The following PALM2AKAP2 variants were observed in gnomAD, a reference collection of about 807,000 sequenced individuals.
PALM2AKAP2 encodes PALM2 and AKAP2 fusion.
Under a neutral mutation model 71.5 loss-of-function variants are expected in PALM2AKAP2, and 37 were observed. The observed-to-expected ratio is 0.52, with a 90% confidence interval of 0.40 to 0.68. PALM2AKAP2 has a LOEUF of 0.68. Among genes scored for constraint, PALM2AKAP2 ranks in the 30% least tolerant of loss-of-function variants. PALM2AKAP2 has a pLI of 0.00. For missense variants in PALM2AKAP2, 1,224 were observed against 1,191.8 expected (o/e 1.03, Z -0.40); for synonymous variants, 468 against 478.8 (o/e 0.98, Z 0.29).
chr9:109,942,603 T>C, intron 6 of PALM2AKAP2: 6 of 1,466,972 alleles, frequency 4.1e-6, no homozygotes, highest in Non-Finnish European at 5.5e-6. Flanking sequence ...CACAAAACCT[T>C]TTTTTTTGTC....
intron 2 of PALM2AKAP2, among the ~76,000 whole-genome samples, chr9:110,147,381 TC>T (rs1219684372): frequency 5.3e-5 from 8 of 152,178 alleles, no homozygotes; most frequent in Non-Finnish European, 1.5e-5. Context: ...CCAACTTACT[TC>T]ACCTCTGTAA....
chr9:110,156,437 C>T (rs773321699), exon 3 of PALM2AKAP2: 3 of 1,612,678 alleles, frequency 1.9e-6, no homozygotes, highest in African/African-American at 2.7e-5. Context: ...TGATGCAGAC[C>T]CTCATGGAAG....
At chr9:109,640,965 A>C in intron 1 of PALM2AKAP2, 1 of 1,405,586 alleles carries the variant, frequency 7.1e-7, no homozygotes, top group East Asian at 2.9e-5. Context: ...CGCGTCCAGG[A>C]TGGGTGTTTA....
At chr9:110,065,262 C>T (rs553873859) in intron 1 of PALM2AKAP2, among the ~76,000 whole-genome samples, 2 of 152,274 alleles carry the variant, frequency 1.3e-5, no homozygotes, top group Admixed American at 6.5e-5. Flanking sequence ...CAAGGTCTCA[C>T]TCTGTCACCA....
chr9:109,739,670 G>C (rs1051601762), intron 1 of PALM2AKAP2, among the ~76,000 whole-genome samples: 1 of 152,206 alleles, frequency 6.6e-6, no homozygotes, highest in Non-Finnish European at 1.5e-5. Context: ...TACACCCCAA[G>C]CTCAGGAATT....
chr9:109,892,039 C>G (rs1322251905), intron 3 of PALM2AKAP2, among the ~76,000 whole-genome samples: 1 of 152,200 alleles, frequency 6.6e-6, no homozygotes, highest in Non-Finnish European at 1.5e-5. Flanking sequence ...CAGATGTAAA[C>G]TCCACCAGAG....
chr9:109,897,513 A>T (rs1830229683), intron 3 of PALM2AKAP2, among the ~76,000 whole-genome samples: 2 of 152,148 alleles, frequency 1.3e-5, no homozygotes, highest in Admixed American at 1.3e-4. Context: ...CCGGAGGCAG[A>T]GGTTGCAGTG....
intron 6 of PALM2AKAP2, among the ~76,000 whole-genome samples, chr9:109,981,925 G>A (rs958566782): frequency 3.3e-5 from 5 of 152,092 alleles, no homozygotes; most frequent in African/African-American, 9.7e-5. Context: ...GCTACCATAC[G>A]ATCCAGCAAT....
intron 1 of PALM2AKAP2, among the ~76,000 whole-genome samples, chr9:110,060,736 A>G (rs506152): frequency 0.99 from 150,355 of 152,248 alleles, 74,253 homozygotes; most frequent in East Asian, 1. Flanking sequence ...CGAGTAGCTG[A>G]GACTACAGGT....
intron 1 of PALM2AKAP2, among the ~76,000 whole-genome samples, chr9:109,769,722 C>G (rs551317250): frequency 3.0e-4 from 45 of 152,042 alleles, no homozygotes; most frequent in Non-Finnish European, 5.0e-4. Context: ...GTGGACAAAC[C>G]GTTTTATTAT....
chr9:109,673,855 C>A (rs1009902175), intron 1 of PALM2AKAP2, among the ~76,000 whole-genome samples: 3 of 151,904 alleles, frequency 2.0e-5, no homozygotes, highest in African/African-American at 7.3e-5. Flanking sequence ...TATGTAATGC[C>A]CTTCTTTGTC....
intron 1 of PALM2AKAP2, among the ~76,000 whole-genome samples, chr9:110,127,236 T>A (rs1564319374): frequency 6.6e-6 from 1 of 152,132 alleles, no homozygotes; most frequent in Non-Finnish European, 1.5e-5. Flanking sequence ...TGGCAGGAGA[T>A]CCATGGAGGC....
At chr9:109,824,970 C>T (rs1356901336) in intron 1 of PALM2AKAP2, among the ~76,000 whole-genome samples, 4 of 152,258 alleles carry the variant, frequency 2.6e-5, no homozygotes, top group East Asian at 1.9e-4. Flanking sequence ...CCAAGAGGAT[C>T]GAAGGCTTAG....
intron 1 of PALM2AKAP2, among the ~76,000 whole-genome samples, chr9:110,070,356 A>G (rs1214588538): frequency 6.6e-6 from 1 of 152,248 alleles, no homozygotes; most frequent in Admixed American, 6.5e-5. Flanking sequence ...AAACTATTTT[A>G]TATTGTTTGG....
At chr9:109,822,295 C>G (rs1057495251) in intron 1 of PALM2AKAP2, among the ~76,000 whole-genome samples, 1 of 152,054 alleles carries the variant, frequency 6.6e-6, no homozygotes, top group Admixed American at 6.6e-5. Context: ...ATCCATCCAT[C>G]CATCCATCCA....
At chr9:109,867,638 C>T (rs2131697887) in intron 2 of PALM2AKAP2, 67 bp downstream of exon 2, 2 of 1,525,854 alleles carry the variant, frequency 1.3e-6, no homozygotes, top group Admixed American at 2.2e-5. Context: ...GAGAGCTGGG[C>T]AGTGCCTGCC....
intron 1 of PALM2AKAP2, chr9:110,125,541 T>C (rs1470845665): frequency 2.0e-6 from 2 of 985,406 alleles, no homozygotes; most frequent in African/African-American, 1.7e-5. Context: ...CGCAGGAATC[T>C]GTCTGGAAAA....
At chr9:109,902,047 C>G (rs1223530214) in intron 3 of PALM2AKAP2, among the ~76,000 whole-genome samples, 1 of 152,002 alleles carries the variant, frequency 6.6e-6, no homozygotes, top group African/African-American at 2.4e-5. Flanking sequence ...TTCTCTTTCC[C>G]CAGGGTTCCC....
intron 1 of PALM2AKAP2, among the ~76,000 whole-genome samples, chr9:109,721,384 G>A (rs140793402): frequency 4.5e-4 from 68 of 152,278 alleles, no homozygotes; most frequent in Middle Eastern, 6.8e-3. Flanking sequence ...TGCAGAGATC[G>A]CTTTCTATTG....
Sources: gnomAD v4.1 joint callset for allele counts (sites outside exome capture counted in the v4.1 genomes callset) on GRCh38, gnomAD v4.1.1 for gene constraint, MANE v1.5 for transcripts, NCBI Gene and HGNC (gene_info 2026-07-23, HGNC 2026-07-21) for gene names.